The following PUM3 variants were observed in gnomAD, a reference collection of about 807,000 sequenced individuals.
PUM3 encodes the protein pumilio homolog 3.
PUM3 carries 91 observed loss-of-function variants against 84.0 expected under a neutral mutation model. That is an observed-to-expected ratio of 1.08 (90% CI 0.91 to 1.29). The LOEUF (loss-of-function observed/expected upper bound fraction) is 1.29. PUM3 is among the 50% of genes most tolerant of loss of function. PUM3 has a pLI of 0.00. For missense variants in PUM3, 1,067 were observed against 767.5 expected, an observed-to-expected ratio of 1.39 and a Z score of -4.61; for synonymous variants, 321 against 266.7, an observed-to-expected ratio of 1.20 and a Z score of -1.98.
intron 1 of PUM3, among the ~76,000 whole-genome samples, chr9:2,841,469 G>GAGGC (rs1397947918): frequency 1.3e-5 from 2 of 152,286 alleles, no homozygotes; most frequent in African/African-American, 4.8e-5. Flanking sequence ...TCAGGGGGCT[G>GAGGC]AGGCAGGAAA....
chr9:2,838,465 T>C lies in PUM3; in HGVS notation c.43A>G (p.Lys15Glu). 6.2e-7 allele frequency: 1 copy of C among 1,613,632 alleles called. No homozygotes were observed. The highest frequency in any genetic ancestry group is 8.5e-7 in the Non-Finnish European group (1 of 1,179,654). The change falls in exon 2 of 18, where the codon AAG (lysine) becomes GAG (glutamate). Residue 15 changes from lysine (K) to glutamate (E), a missense_variant. Coordinates refer to ENST00000397885, the MANE Select transcript of PUM3 (RefSeq NM_014878.5). ...AATCTGTTTTTTTCTTGTGCTGTCT[T>C]TGTACTCTTTCCTGTGAATTGCTTT... ...GKKQFTGKST[K>E]TAQEKNRFHK...
rs1815959348 is a variant in PUM3, at chr9:2,830,952, A to T, written c.677+10T>A. The T allele has an allele frequency of 7.6e-7, 1 of 1,321,908 alleles. No homozygotes were observed. The highest frequency in any genetic ancestry group is 1.1e-6 in the Non-Finnish European group (1 of 925,910). The allele number at this position is 1,321,908 out of a possible 1,614,324, so 81.9% of individuals were successfully genotyped here. On this transcript the variant is annotated intron_variant, in intron 7 of 17. Coordinates refer to ENST00000397885, the MANE Select transcript of PUM3 (RefSeq NM_014878.5). ...AAGAAAAAATGTATTTTATACATAA[A>T]ACAACTTACCCATACATGAGAAATT...
intron 3 of PUM3, 64 bp from the exon 4 acceptor site, chr9:2,834,230 A>G: frequency 6.9e-7 from 1 of 1,444,464 alleles, no homozygotes; most frequent in Admixed American, 2.0e-5. Context: ...ACCAATACAA[A>G]TTAGGTAAAA....
intron 15 of PUM3, 116 bp downstream of exon 15, chr9:2,811,245 T>C (rs188785045): frequency 1.3e-6 from 1 of 767,654 alleles, no homozygotes; most frequent in East Asian, 2.4e-5. Flanking sequence ...GGTTCTTGGT[T>C]GTTTATTCAA....
intron 4 of PUM3, among the ~76,000 whole-genome samples, 184 bp downstream of exon 4, chr9:2,833,846 GA>G (rs1816049982): frequency 6.6e-6 from 1 of 152,128 alleles, no homozygotes; most frequent in African/African-American, 2.4e-5. Context: ...CCATCATAAT[GA>G]TTCTACACAC....
intron 1 of PUM3, among the ~76,000 whole-genome samples, chr9:2,840,169 T>G (rs1194477331): frequency 1.3e-5 from 2 of 152,234 alleles, no homozygotes; most frequent in African/African-American, 4.8e-5. Flanking sequence ...TACATGACAT[T>G]AACATGACTT....
At chr9:2,833,715 C>T (rs1347041157) in intron 4 of PUM3, among the ~76,000 whole-genome samples, 2 of 152,128 alleles carry the variant, frequency 1.3e-5, no homozygotes, top group Non-Finnish European at 2.9e-5. Flanking sequence ...TCTAAGATAA[C>T]AAATACTGAA....
At chr9:2,820,433 G>A (rs1164181878) in intron 12 of PUM3, among the ~76,000 whole-genome samples, 1 of 151,718 alleles carries the variant, frequency 6.6e-6, no homozygotes, top group East Asian at 1.9e-4. Flanking sequence ...ATACTTAAAA[G>A]TTCAAGTTAT....
At chr9:2,826,263 T>A (rs574424976) in intron 10 of PUM3, among the ~76,000 whole-genome samples, 1 of 152,278 alleles carries the variant, frequency 6.6e-6, no homozygotes, top group East Asian at 1.9e-4. Flanking sequence ...CAAATAATCA[T>A]TGTGTCATTT....
chr9:2,840,850 CTT>C (rs912631170), intron 1 of PUM3, among the ~76,000 whole-genome samples: 3 of 152,194 alleles, frequency 2.0e-5, no homozygotes, highest in Admixed American at 1.3e-4. Context: ...ATCCTGGTTC[CTT>C]TCATTGAGAA....
intron 14 of PUM3, among the ~76,000 whole-genome samples, chr9:2,812,009 C>T (rs1821385557): frequency 6.6e-6 from 1 of 152,120 alleles, no homozygotes; most frequent in Admixed American, 6.5e-5. Context: ...CTACTATGTG[C>T]CAGGTGCTCA....
intron 3 of PUM3, among the ~76,000 whole-genome samples, chr9:2,834,464 G>A (rs1368148940): frequency 1.3e-5 from 2 of 152,080 alleles, no homozygotes; most frequent in African/African-American, 4.8e-5. Context: ...TTTCAATTGT[G>A]AAATAAAATT....
At chr9:2,829,996 T>C (rs1185298770) in intron 7 of PUM3, 48 bp from the exon 8 acceptor site, 1 of 1,543,002 alleles carries the variant, frequency 6.5e-7, no homozygotes, top group Admixed American at 1.7e-5. Flanking sequence ...AGGAGAAAGC[T>C]GGGTGACAAT....
At chr9:2,838,384 C>T in intron 2 of PUM3, 42 bp downstream of exon 2, 2 of 1,348,624 alleles carry the variant, frequency 1.5e-6, no homozygotes. Flanking sequence ...TCCCATCCCC[C>T]AATTATAACA....
At chr9:2,830,818 T>C (rs962586050) in intron 7 of PUM3, 144 bp downstream of exon 7, 6 of 581,452 alleles carry the variant, frequency 1.0e-5, no homozygotes, top group Non-Finnish European at 1.9e-5. Flanking sequence ...GATGATACTC[T>C]CTAAAAACAA....
At chr9:2,830,630 T>C (rs962842654) in intron 7 of PUM3, among the ~76,000 whole-genome samples, 1 of 152,216 alleles carries the variant, frequency 6.6e-6, no homozygotes, top group Non-Finnish European at 1.5e-5. Flanking sequence ...ACTTCAAAAG[T>C]GCTTATCTGT....
intron 1 of PUM3, 96 bp from the exon 2 acceptor site, chr9:2,838,613 C>G: frequency 4.1e-6 from 3 of 734,632 alleles, no homozygotes; most frequent in Non-Finnish European, 7.2e-6. Context: ...GTCCTTCAGT[C>G]TACAAATACA....
At chr9:2,806,741 G>C (rs956779163) in intron 17 of PUM3, among the ~76,000 whole-genome samples, 5 of 152,100 alleles carry the variant, frequency 3.3e-5, no homozygotes, top group Non-Finnish European at 7.4e-5. Context: ...GCTCATCACT[G>C]TTTTTTTCTC....
At chr9:2,832,951 G>A (rs1341349018) in intron 5 of PUM3, among the ~76,000 whole-genome samples, 1 of 152,284 alleles carries the variant, frequency 6.6e-6, no homozygotes, top group Non-Finnish European at 1.5e-5. Flanking sequence ...TTCGCATGAT[G>A]TTTACAAAAG....
Sources: gnomAD v4.1 joint callset for allele counts (sites outside exome capture counted in the v4.1 genomes callset) on GRCh38, gnomAD v4.1.1 for gene constraint, MANE v1.5 for transcripts, NCBI Gene and HGNC (gene_info 2026-07-23, HGNC 2026-07-21) for gene names.